The following AP1G1 variants were observed in gnomAD, a reference collection of about 807,000 sequenced individuals.
The protein encoded by AP1G1 is AP-1 complex subunit gamma-1.
In AP1G1, 7 loss-of-function variants were observed where a neutral mutation model predicts 108.3. The ratio of observed to expected loss-of-function variants is 0.06; its 90% CI spans 0.04 to 0.12. AP1G1 has a LOEUF of 0.12. Ranked by LOEUF, AP1G1 falls within the 10% of genes least tolerant of loss-of-function variation. The probability of loss-of-function intolerance (pLI) is 1.00; values close to 1 mark genes in which losing one functional copy is unlikely to be tolerated. For synonymous variants in AP1G1, 379 were observed against 353.5 expected (o/e 1.07, Z -0.81); for missense variants, 756 against 1,010.7 (o/e 0.75, Z 3.42).
At chr16:71,806,346 G>A (rs1348563055) in intron 1 of AP1G1, among the ~76,000 whole-genome samples, 1 of 152,148 alleles carries the variant, frequency 6.6e-6, no homozygotes, top group Non-Finnish European at 1.5e-5. Flanking sequence ...AATTTGTTAA[G>A]GCAAAAGGAC....
At chr16:71,755,447 A>C (rs2030731138) in intron 12 of AP1G1, among the ~76,000 whole-genome samples, 1 of 152,098 alleles carries the variant, frequency 6.6e-6, no homozygotes, top group African/African-American at 2.4e-5. Flanking sequence ...AAAAAAACCC[A>C]AAACAAAAAA....
At chr16:71,758,268 G>A in intron 11 of AP1G1, 1 of 359,866 alleles carries the variant, frequency 2.8e-6, no homozygotes, top group South Asian at 2.1e-5. Flanking sequence ...AAGACATCCA[G>A]TAGAATTACT....
intron 6 of AP1G1, among the ~76,000 whole-genome samples, chr16:71,766,637 C>G (rs115647000): frequency 0.088 from 13,350 of 152,148 alleles, 617 homozygotes; most frequent in Middle Eastern, 0.11. Flanking sequence ...TGCTGCAACT[C>G]AGTTATTTTT....
At chr16:71,804,356 A>G (rs2032922730) in intron 1 of AP1G1, among the ~76,000 whole-genome samples, 2 of 148,896 alleles carry the variant, frequency 1.3e-5, no homozygotes, top group South Asian at 4.2e-4. Context: ...AACAAAGATC[A>G]TTTCAAAACC....
chr16:71,755,921 G>A (rs994494007), intron 12 of AP1G1, 98 bp downstream of exon 12: 2 of 1,351,614 alleles, frequency 1.5e-6, no homozygotes, highest in African/African-American at 2.9e-5. Context: ...TGAGACTGCA[G>A]GCGTGTGCCA....
intron 3 of AP1G1, 103 bp from the exon 4 acceptor site, chr16:71,773,465 A>G (rs2031650873): frequency 1.0e-5 from 12 of 1,152,452 alleles, no homozygotes; most frequent in Non-Finnish European, 1.4e-5. Flanking sequence ...CTCCAATAAC[A>G]AAAACAATAG....
At chr16:71,739,377 G>C (rs758190846) in intron 19 of AP1G1, 36 bp from the exon 20 acceptor site, 1 of 1,490,712 alleles carries the variant, frequency 6.7e-7, no homozygotes, top group Non-Finnish European at 9.0e-7. Context: ...TTAACCTTAG[G>C]CAGCATGACA....
Position 71,750,330 on chromosome 16 carries a change from T to G in AP1G1, c.1287A>C (p.Ala429=). 6.2e-7 allele frequency: 1 copy of G among 1,613,868 alleles called. No individual in the cohort carries two copies. The highest frequency in any genetic ancestry group is 1.1e-5 in the South Asian group (1 of 91,028). ...CTGCATCATCACGAACATAACTTCC[T>G]GCCTAAAAGGAAATGCAGACAATTA... The part of the protein sequence containing the change: ...IDTIMRVLTT[A]GSYVRDDAVP... The change falls in exon 14 of 23, where the codon GCA becomes GCC. Residue 429 remains alanine, a splice_region_variant and synonymous_variant. Transcript: ENST00000299980.
intron 6 of AP1G1, among the ~76,000 whole-genome samples, chr16:71,768,563 T>C (rs1164947198): frequency 2.7e-5 from 4 of 148,066 alleles, no homozygotes; most frequent in Non-Finnish European, 5.9e-5. Context: ...CAGGAGTCAA[T>C]GTCCTAAAAC....
At chr16:71,779,985 G>GTTTT (rs1046891832) in intron 2 of AP1G1, among the ~76,000 whole-genome samples, 2 of 139,428 alleles carry the variant, frequency 1.4e-5, no homozygotes, top group African/African-American at 5.5e-5. Flanking sequence ...TTTTGTTTCA[G>GTTTT]TTTTTTTTTG....
At chr16:71,768,554 A>G (rs1320924119) in intron 6 of AP1G1, among the ~76,000 whole-genome samples, 1 of 150,860 alleles carries the variant, frequency 6.6e-6, no homozygotes, top group African/African-American at 2.4e-5. Context: ...CTTCCATCAC[A>G]GGAGTCAATG....
At position 71,729,758 on chromosome 16, in the gene AP1G1, A is replaced by T. The variant is rs892116793; in HGVS notation, c.*3300T>A. 5.2e-5 allele frequency: 8 copies of T among 152,630 alleles called. No homozygotes were observed. Among genetic ancestry groups the T allele is most frequent in the Non-Finnish European group, 1.2e-4 (8 of 68,038 alleles). The allele number at this position is 152,630 out of a possible 1,614,324, so 9.5% of individuals were successfully genotyped here. On this transcript the variant is annotated 3_prime_UTR_variant, in exon 23 of 23. Transcript: ENST00000299980. ...CACAGACATGTAAAACCACTCTCCC[A>T]ACTACAAAGTTCATGAACACCCACT...
intron 1 of AP1G1, among the ~76,000 whole-genome samples, chr16:71,802,540 T>A (rs967767778): frequency 6.6e-6 from 1 of 151,628 alleles, no homozygotes; most frequent in African/African-American, 2.4e-5. Flanking sequence ...GACCAGCCTG[T>A]CCAACATGGT....
At chr16:71,757,348 G>A (rs1291727688) in intron 11 of AP1G1, among the ~76,000 whole-genome samples, 1 of 151,806 alleles carries the variant, frequency 6.6e-6, no homozygotes, top group Non-Finnish European at 1.5e-5. Context: ...GTACTTGAGA[G>A]GCTGAGACAG....
chr16:71,808,616 C>G, intron 1 of AP1G1, 147 bp downstream of exon 1: 7 of 1,289,680 alleles, frequency 5.4e-6, no homozygotes, highest in Non-Finnish European at 7.1e-6. Flanking sequence ...CCCGGCCTCT[C>G]CTGGCCCAGC....
chr16:71,793,556 C>T (rs1329963182), intron 1 of AP1G1, among the ~76,000 whole-genome samples: 1 of 152,192 alleles, frequency 6.6e-6, no homozygotes, highest in Non-Finnish European at 1.5e-5. Flanking sequence ...AACCTATATA[C>T]AGCAGAAACA....
chr16:71,768,500 C>CAAAAAAAAA (rs527404594), intron 6 of AP1G1, among the ~76,000 whole-genome samples: 3,017 of 83,592 alleles, frequency 0.036, 525 homozygotes, highest in African/African-American at 0.14. Flanking sequence ...GACTCCGCCA[C>CAAAAAAAAA]AAAAAAAAAA....
chr16:71,774,164 G>C (rs894774538), intron 3 of AP1G1, among the ~76,000 whole-genome samples: 2 of 146,384 alleles, frequency 1.4e-5, no homozygotes, highest in African/African-American at 5.0e-5. Context: ...GATAATCTGA[G>C]GTCAGGAGTT....
At chr16:71,760,272 G>A (rs2031017022) in intron 10 of AP1G1, among the ~76,000 whole-genome samples, 1 of 149,136 alleles carries the variant, frequency 6.7e-6, no homozygotes, top group African/African-American at 2.5e-5. Flanking sequence ...GCCAGGTGTG[G>A]TGGCTCACGC....
Sources: allele counts gnomAD v4.1 joint callset (sites outside exome capture counted in the v4.1 genomes callset), GRCh38; gene constraint gnomAD v4.1.1; transcripts MANE v1.5; gene names NCBI Gene and HGNC (gene_info 2026-07-23, HGNC 2026-07-21).